Variants in COLEC10 observed in about 807,000 individuals in gnomAD.
COLEC10 encodes collectin subfamily member 10.
Under a neutral mutation model 28.4 loss-of-function variants are expected in COLEC10, and 22 were observed. The ratio of observed to expected loss-of-function variants is 0.78; its 90% CI spans 0.55 to 1.11. The LOEUF is 1.11. COLEC10 is among the 50% of genes least tolerant of loss of function. The probability of loss-of-function intolerance (pLI) is 0.00; values close to 1 mark genes in which losing one functional copy is unlikely to be tolerated. For synonymous variants in COLEC10, 125 were observed against 116.1 expected, an observed-to-expected ratio of 1.08 and a Z score of -0.49; for missense variants, 361 against 344.1, an observed-to-expected ratio of 1.05 and a Z score of -0.39.
intron 1 of COLEC10, among the ~76,000 whole-genome samples, chr8:118,999,134 A>G (rs1052701932): frequency 3.9e-5 from 6 of 152,184 alleles, no homozygotes. Flanking sequence ...GGTCACATTT[A>G]TTTATTATAA....
upstream of COLEC10, among the ~76,000 whole-genome samples, chr8:118,994,053 A>G (rs1563710393): frequency 6.6e-6 from 1 of 152,214 alleles, no homozygotes; most frequent in Non-Finnish European, 1.5e-5. Context: ...ATATTGTCCC[A>G]CATGAATAAA....
intron 2 of COLEC10, among the ~76,000 whole-genome samples, chr8:119,015,182 G>GT (rs145351697): frequency 0.045 from 6,854 of 150,996 alleles, 435 homozygotes; most frequent in East Asian, 0.16. Flanking sequence ...ATTGCTCTTA[G>GT]TAGGCCTTTA....
intron 1 of COLEC10, among the ~76,000 whole-genome samples, chr8:119,080,242 G>A (rs1815342549): frequency 6.6e-6 from 1 of 152,084 alleles, no homozygotes; most frequent in African/African-American, 2.4e-5. Context: ...TCTTGTCCAA[G>A]GTAATCCTGT....
chr8:119,049,151 A>G (rs1814632726), intron 2 of COLEC10, among the ~76,000 whole-genome samples: 1 of 152,108 alleles, frequency 6.6e-6, no homozygotes, highest in East Asian at 1.9e-4. Flanking sequence ...TAAGCATGCT[A>G]AAAATAGTCC....
intron 1 of COLEC10, among the ~76,000 whole-genome samples, chr8:119,009,119 A>T (rs1813859440): frequency 6.6e-6 from 1 of 150,886 alleles, no homozygotes. Context: ...CTTCTATAAA[A>T]CCCAACACAG....
intron 2 of COLEC10, among the ~76,000 whole-genome samples, chr8:119,024,900 A>G (rs927921965): frequency 5.9e-5 from 9 of 152,104 alleles, no homozygotes; most frequent in African/African-American, 1.9e-4. Flanking sequence ...GGATTTATTG[A>G]TTTAGTTCTC....
intron 5 of COLEC10, among the ~76,000 whole-genome samples, chr8:119,105,218 G>A (rs1002308324): frequency 3.3e-5 from 5 of 152,114 alleles, no homozygotes; most frequent in African/African-American, 1.2e-4. Context: ...ACATTCACAG[G>A]TAAGTAGGAG....
chr8:119,025,575 T>C (rs1347332034), intron 2 of COLEC10, among the ~76,000 whole-genome samples: 3 of 152,114 alleles, frequency 2.0e-5, no homozygotes, highest in African/African-American at 4.8e-5. Flanking sequence ...AAATTTTCAG[T>C]GTGGACACCA....
At chr8:119,102,509 A>G (rs1815857452) in intron 4 of COLEC10, 108 bp downstream of exon 4, 3 of 916,992 alleles carry the variant, frequency 3.3e-6, no homozygotes, top group Non-Finnish European at 5.0e-6. Context: ...TAGTATGCTT[A>G]ACCTTATTTT....
chr8:119,047,700 G>C (rs1307311465), intron 2 of COLEC10, among the ~76,000 whole-genome samples: 1 of 151,810 alleles, frequency 6.6e-6, no homozygotes, highest in Non-Finnish European at 1.5e-5. Context: ...ATAGCTCTCA[G>C]TAATAAAGCA....
In COLEC10 at chr8:119,108,216, GATAGA is replaced by G; in HGVS notation, c.*2027_*2031del. Among the ~76,000 whole-genome samples the G allele has an allele frequency of 6.6e-6, 1 of 152,114 alleles. No individual in the cohort carries two copies. Among genetic ancestry groups the G allele is most frequent in the East Asian group, 1.9e-4 (1 of 5,196 alleles). ...AGGACATCAAACGCCAGTATCCTTG[GATAGA>G]AAGCCATCCCAGATCATGAGGAATG... On this transcript the variant is annotated 3_prime_UTR_variant, in exon 6 of 6. Transcript: ENST00000332843.
intron 2 of COLEC10, among the ~76,000 whole-genome samples, chr8:119,027,401 G>A (rs1445218262): frequency 2.0e-5 from 3 of 151,938 alleles, no homozygotes; most frequent in African/African-American, 4.8e-5. Context: ...TCAGATCCTT[G>A]TATGCTGTCA....
At chr8:119,090,553 T>G (rs1260254639) in intron 2 of COLEC10, among the ~76,000 whole-genome samples, 1 of 152,224 alleles carries the variant, frequency 6.6e-6, no homozygotes, top group South Asian at 2.1e-4. Context: ...ATTACAAGAT[T>G]ATTCTTACAA....
intron 3 of COLEC10, among the ~76,000 whole-genome samples, chr8:119,101,100 C>T (rs1478072402): frequency 3.3e-5 from 5 of 152,154 alleles, no homozygotes; most frequent in Non-Finnish European, 5.9e-5. Flanking sequence ...GTGGCTTCCA[C>T]TTTTTCTCTG....
intron 2 of COLEC10, among the ~76,000 whole-genome samples, chr8:119,056,412 C>T (rs1480660775): frequency 6.6e-6 from 1 of 152,046 alleles, no homozygotes; most frequent in Non-Finnish European, 1.5e-5. Context: ...AATTGATTAA[C>T]TTAACTGTCT....
chr8:119,108,235 TC>T lies in COLEC10; in HGVS notation c.*2045del, dbSNP rs1352421714. ...TCCTTGGATAGAAAGCCATCCCAGATCATGAGGAATGAAAACCTAGAAACAC... is the reference window on the plus strand; with the variant it reads ...TCCTTGGATAGAAAGCCATCCCAGATATGAGGAATGAAAACCTAGAAACAC... On this transcript the variant is annotated 3_prime_UTR_variant, in exon 6 of 6. Coordinates refer to ENST00000332843, the MANE Select transcript of COLEC10 (RefSeq NM_006438.5). Among the ~76,000 whole-genome samples the T allele has an allele frequency of 6.6e-6, 1 of 152,084 alleles. No individual in the cohort carries two copies. The highest frequency in any genetic ancestry group is 1.5e-5 in the Non-Finnish European group (1 of 68,018).
intron 2 of COLEC10, among the ~76,000 whole-genome samples, chr8:119,009,937 C>T (rs1215429751): frequency 2.7e-5 from 4 of 150,638 alleles, no homozygotes; most frequent in African/African-American, 7.5e-5. Flanking sequence ...CGAACTTCTG[C>T]CCCCACATCC....
chr8:118,963,327 A>G, the COLEC10 span, among the ~76,000 whole-genome samples: 1 of 152,236 alleles, frequency 6.6e-6, no homozygotes, highest in Non-Finnish European at 1.5e-5. Context: ...AGGTTAGGAT[A>G]TATCTGCCAC....
intron 2 of COLEC10, among the ~76,000 whole-genome samples, chr8:119,090,620 T>C (rs1587057220): frequency 6.6e-6 from 1 of 152,330 alleles, no homozygotes; most frequent in East Asian, 1.9e-4. Context: ...GAAATAGCAT[T>C]GGAAGAGCTC....
Sources: gnomAD v4.1 joint callset for allele counts (sites outside exome capture counted in the v4.1 genomes callset) on GRCh38, gnomAD v4.1.1 for gene constraint, MANE v1.5 for transcripts, NCBI Gene and HGNC (gene_info 2026-07-23, HGNC 2026-07-21) for gene names.